Variants in TENM1 observed in about 807,000 individuals in gnomAD.
TENM1 encodes teneurin transmembrane protein 1.
A neutral mutation model predicts 174.8 loss-of-function variants in TENM1; 35 were observed. The observed-to-expected ratio is 0.20, with a 90% confidence interval of 0.15 to 0.27. TENM1 has a LOEUF of 0.27. Among genes scored for constraint, TENM1 ranks in the 10% least tolerant of loss-of-function variants. The probability of loss-of-function intolerance (pLI) is 1.00; values close to 1 mark genes in which losing one functional copy is unlikely to be tolerated. For synonymous variants in TENM1, 781 were observed against 798.7 expected, an observed-to-expected ratio of 0.98 and a Z score of 0.37; for missense variants, 1,633 against 2,130.1, an observed-to-expected ratio of 0.77 and a Z score of 4.59.
At chrX:125,085,986 A>G in the TENM1 span, among the ~76,000 whole-genome samples, 4 of 110,739 alleles carry the variant, frequency 3.6e-5, no homozygotes, top group African/African-American at 1.3e-4. Flanking sequence ...AAAATATTTA[A>G]CTCTTAAATG....
chrX:125,125,060 T>C, the TENM1 span, among the ~76,000 whole-genome samples: 8 of 112,591 alleles, frequency 7.1e-5, no homozygotes, highest in African/African-American at 2.6e-4. Context: ...CATTGGATCA[T>C]GTTATTGAAA....
At chrX:124,676,864 CAAAA>C (rs57417124) in intron 5 of TENM1, among the ~76,000 whole-genome samples, 34 of 57,107 alleles carry the variant, frequency 6.0e-4, no homozygotes, top group African/African-American at 1.5e-3. Context: ...CTCATTGACT[CAAAA>C]AAAAAAAAAA....
At chrX:125,033,876 A>C in the TENM1 span, among the ~76,000 whole-genome samples, 1 of 112,244 alleles carries the variant, frequency 8.9e-6, no homozygotes, top group East Asian at 2.8e-4. Flanking sequence ...ACAGTTAAAT[A>C]AAATAACATG....
At chrX:125,059,176 CAGA>C in the TENM1 span, among the ~76,000 whole-genome samples, 7 of 110,648 alleles carry the variant, frequency 6.3e-5, no homozygotes, top group African/African-American at 2.3e-4. Context: ...AATCCACAAT[CAGA>C]AGAAGTAGGA....
chrX:124,979,600 A>G, the TENM1 span, among the ~76,000 whole-genome samples: 5 of 111,802 alleles, frequency 4.5e-5, no homozygotes, highest in South Asian at 1.9e-3. Context: ...TATAGGTCTC[A>G]GATTGTATTT....
chrX:124,402,247 A>G (rs2060408444), intron 27 of TENM1, among the ~76,000 whole-genome samples: 1 of 112,146 alleles, frequency 8.9e-6, no homozygotes, highest in Non-Finnish European at 1.9e-5. Flanking sequence ...CACTAAACAT[A>G]TGTAAATGAT....
chrX:125,077,490 G>A, the TENM1 span, among the ~76,000 whole-genome samples: 2 of 111,413 alleles, frequency 1.8e-5, no homozygotes, highest in African/African-American at 6.5e-5. Flanking sequence ...AAAAATAGAG[G>A]ATGAAGGAAC....
intron 3 of TENM1, among the ~76,000 whole-genome samples, chrX:124,888,335 G>A (rs1027672773): frequency 1.1e-4 from 12 of 111,047 alleles, no homozygotes; most frequent in African/African-American, 2.9e-4. Context: ...GAGCTCAGCC[G>A]CCCAACAGTC....
At chrX:124,828,271 G>C (rs1297148381) in intron 3 of TENM1, among the ~76,000 whole-genome samples, 1 of 111,930 alleles carries the variant, frequency 8.9e-6, no homozygotes, top group East Asian at 2.8e-4. Flanking sequence ...ATTTATAATA[G>C]TCATAGGATA....
intron 11 of TENM1, among the ~76,000 whole-genome samples, chrX:124,594,292 C>G (rs1321632057): frequency 9.0e-6 from 1 of 111,501 alleles, no homozygotes; most frequent in Non-Finnish European, 1.9e-5. Flanking sequence ...TCTGGAGTGT[C>G]CTTCACAATT....
chrX:125,090,796 G>A, the TENM1 span, among the ~76,000 whole-genome samples: 7 of 97,925 alleles, frequency 7.1e-5, no homozygotes, highest in South Asian at 3.2e-3. Flanking sequence ...TCCAGAAGGT[G>A]GGTAAGATAT....
chrX:124,960,543 C>T (rs984399512), intron 1 of TENM1, among the ~76,000 whole-genome samples: 6 of 111,696 alleles, frequency 5.4e-5, no homozygotes, highest in African/African-American at 1.6e-4. Flanking sequence ...AAAAAGAATC[C>T]GTTGAAAGGA....
At chrX:124,777,786 T>G (rs1223007225) in intron 3 of TENM1, among the ~76,000 whole-genome samples, 1 of 112,460 alleles carries the variant, frequency 8.9e-6, no homozygotes, top group African/African-American at 3.2e-5. Flanking sequence ...ATATAATATT[T>G]TATTTGCCAT....
Position 124,714,972 on chromosome X carries a change from TA to T in TENM1, c.777-9722del, listed in dbSNP as rs200558732. On this transcript the variant is annotated intron_variant, in intron 4 of 31. Coordinates refer to ENST00000422452, the Ensembl canonical transcript of TENM1. ...CCAACTTTAATTTAAAATTTGATAT[TA>T]AAAAACTCTATATCAGTTGAAGAGT... is the stretch of plus-strand genomic sequence containing the variant. Among the ~76,000 whole-genome samples, 97 of 112,128 alleles carry T rather than the reference TA, an allele frequency of 8.7e-4. No homozygotes were observed. In the East Asian group the frequency reaches 0.027, roughly 31 times the overall value.
chrX:124,824,294 T>C (rs372336409), intron 3 of TENM1, among the ~76,000 whole-genome samples: 11 of 112,454 alleles, frequency 9.8e-5, no homozygotes, highest in African/African-American at 2.9e-4. Context: ...AGAAAAATAA[T>C]TGCTGTTTAT....
chrX:124,645,134 G>T lies in TENM1; in HGVS notation c.1876+9C>A. 1 of 1,204,984 alleles carries T rather than the reference G, an allele frequency of 8.3e-7. No individual in the cohort carries two copies. On this transcript the variant is annotated intron_variant, in intron 10 of 31. Coordinates refer to ENST00000422452, the Ensembl canonical transcript of TENM1. ...AGCCTGAAGCAATAGATTAAAATGG[G>T]ATTCTGACCTTCCTCGCATATTTCT...
intron 15 of TENM1, among the ~76,000 whole-genome samples, chrX:124,544,930 C>T (rs746370116): frequency 9.0e-6 from 1 of 110,619 alleles, no homozygotes; most frequent in Admixed American, 9.5e-5. Flanking sequence ...TGTTTGTTTG[C>T]TTTGTAAACT....
intron 11 of TENM1, among the ~76,000 whole-genome samples, chrX:124,587,221 G>A (rs1176746819): frequency 4.5e-5 from 5 of 110,122 alleles, no homozygotes; most frequent in African/African-American, 6.7e-5. Flanking sequence ...AAAAGAGCCC[G>A]CATTGCCAAG....
chrX:125,118,992 T>C, the TENM1 span, among the ~76,000 whole-genome samples: 3 of 111,165 alleles, frequency 2.7e-5, no homozygotes, highest in African/African-American at 9.8e-5. Context: ...AGATCCTATG[T>C]GTTGGGTAGT....
Sources: allele counts gnomAD v4.1 joint callset (sites outside exome capture counted in the v4.1 genomes callset), GRCh38; gene constraint gnomAD v4.1.1; transcripts MANE v1.5; gene names NCBI Gene and HGNC (gene_info 2026-07-23, HGNC 2026-07-21).